The following TBPL2 variants were observed in gnomAD, a reference collection of about 807,000 sequenced individuals.
TBPL2 encodes the protein TATA-box binding protein like 2.
TBPL2 carries 40 observed loss-of-function variants against 38.2 expected under a neutral mutation model. The ratio of observed to expected loss-of-function variants is 1.05; its 90% CI spans 0.81 to 1.36. TBPL2 has a LOEUF of 1.36. TBPL2 is among the 40% of genes most tolerant of loss of function. The probability of loss-of-function intolerance (pLI) is 0.00; values close to 1 mark genes in which losing one functional copy is unlikely to be tolerated. For synonymous variants in TBPL2, 169 were observed against 171.7 expected (o/e 0.98, Z 0.12); for missense variants, 461 against 456.7 (o/e 1.01, Z -0.09).
At chr14:55,429,071 C>G (rs193125457) in intron 4 of TBPL2, 97 bp from the exon 5 acceptor site, 188 of 1,435,390 alleles carry the variant, frequency 1.3e-4, no homozygotes, top group Non-Finnish European at 1.6e-4. Flanking sequence ...CCACGTTTAT[C>G]TTTCAATGTA....
At chr14:55,440,616 T>A (rs1330781326) in exon 1 of TBPL2, 1 of 1,471,140 alleles carries the variant, frequency 6.8e-7, no homozygotes, top group Admixed American at 2.4e-5. Flanking sequence ...GAGAGAAGCG[T>A]TGGGCGATGG....
exon 7 of TBPL2, chr14:55,414,377 G>C: frequency 6.3e-7 from 1 of 1,596,738 alleles, no homozygotes; most frequent in Non-Finnish European, 8.5e-7. Flanking sequence ...TGAATGATAT[G>C]CTCAGGCTTT....
At chr14:55,429,607 T>A (rs1350487908) in intron 4 of TBPL2, among the ~76,000 whole-genome samples, 3 of 151,112 alleles carry the variant, frequency 2.0e-5, no homozygotes, top group East Asian at 3.9e-4. Flanking sequence ...CTACTAAAAA[T>A]ACAAAAAAAT....
chr14:55,433,311 T>A (rs912974231), intron 4 of TBPL2, among the ~76,000 whole-genome samples: 1 of 29,834 alleles, frequency 3.4e-5, no homozygotes, highest in Admixed American at 4.6e-4. Context: ...AGATTTCTCT[T>A]TTTTTTTTTT....
At chr14:55,420,271 A>G (rs1333920612) in intron 6 of TBPL2, among the ~76,000 whole-genome samples, 1 of 152,182 alleles carries the variant, frequency 6.6e-6, no homozygotes, top group Non-Finnish European at 1.5e-5. Context: ...GGGTCTTGCC[A>G]TGTTGGCCAG....
At chr14:55,417,979 G>A (rs1885691808) in intron 6 of TBPL2, among the ~76,000 whole-genome samples, 1 of 152,134 alleles carries the variant, frequency 6.6e-6, no homozygotes, top group African/African-American at 2.4e-5. Flanking sequence ...TGTAAAATAA[G>A]GACAATAAAC....
chr14:55,418,321 A>C (rs970998964), intron 6 of TBPL2, among the ~76,000 whole-genome samples: 2 of 152,194 alleles, frequency 1.3e-5, no homozygotes, highest in African/African-American at 4.8e-5. Context: ...TAAGGTTTAT[A>C]AGTTCATCCC....
At chr14:55,438,644 G>A (rs1886054496) in intron 1 of TBPL2, among the ~76,000 whole-genome samples, 1 of 152,214 alleles carries the variant, frequency 6.6e-6, no homozygotes, top group Non-Finnish European at 1.5e-5. Context: ...GCGAGGATTT[G>A]AAGGAGGATG....
chr14:55,420,922 A>G (rs943652350), intron 6 of TBPL2, among the ~76,000 whole-genome samples: 4 of 151,958 alleles, frequency 2.6e-5, no homozygotes, highest in Non-Finnish European at 5.9e-5. Flanking sequence ...TTAGCTGGGC[A>G]TAGTGGCAGG....
At chr14:55,436,598 G>A (rs781698635) in exon 2 of TBPL2, 2 of 1,614,146 alleles carry the variant, frequency 1.2e-6, no homozygotes, top group African/African-American at 1.3e-5. Flanking sequence ...TCTGAAATAG[G>A]GGTCATTGGT....
At chr14:55,420,541 T>C (rs1401143860) in intron 6 of TBPL2, among the ~76,000 whole-genome samples, 1 of 152,216 alleles carries the variant, frequency 6.6e-6, no homozygotes, top group Non-Finnish European at 1.5e-5. Flanking sequence ...CAGTAGTAAG[T>C]CATGGATTAA....
At chr14:55,422,812 C>T (rs74772591) in intron 6 of TBPL2, among the ~76,000 whole-genome samples, 11,211 of 152,024 alleles carry the variant, frequency 0.074, 426 homozygotes, top group Non-Finnish European at 0.085. Context: ...GAGATCGCGC[C>T]GCCATAGTCC....
At position 55,440,383 on chromosome 14, in the gene TBPL2, G is replaced by A; in HGVS notation, c.150+13C>T. The A allele has an allele frequency of 1.2e-6, 2 of 1,613,012 alleles. No homozygotes were observed. Among genetic ancestry groups the A allele is most frequent in the African/African-American group, 1.3e-5 (1 of 75,062 alleles). ...CTTGGGTCCTGACTCTGGGACAGTG[G>A]CGGCAGCCTCACCTGAGCGGCGCAC... On this transcript the variant is annotated intron_variant, in intron 1 of 6. Transcript: ENST00000247219.
chr14:55,419,864 G>T (rs1222482731), intron 6 of TBPL2, among the ~76,000 whole-genome samples: 1 of 152,108 alleles, frequency 6.6e-6, no homozygotes, highest in Non-Finnish European at 1.5e-5. Context: ...ATTTGTAATT[G>T]CAACACTTTA....
chr14:55,415,031 A>T (rs1002383995), intron 6 of TBPL2, among the ~76,000 whole-genome samples: 5 of 152,228 alleles, frequency 3.3e-5, no homozygotes, highest in African/African-American at 1.2e-4. Flanking sequence ...TAGGAATTAC[A>T]GGGATAAAAA....
At chr14:55,436,740 C>A (rs1414106071) in exon 2 of TBPL2, 1 of 1,614,156 alleles carries the variant, frequency 6.2e-7, no homozygotes, top group Admixed American at 1.7e-5. Context: ...TTAAGCCCAG[C>A]CCAACGTCCT....
At chr14:55,437,621 C>T (rs1433317614) in intron 1 of TBPL2, among the ~76,000 whole-genome samples, 1 of 152,194 alleles carries the variant, frequency 6.6e-6, no homozygotes, top group Non-Finnish European at 1.5e-5. Context: ...TCCAATTTTG[C>T]AATAGAGGCA....
chr14:55,440,333 G>C, intron 1 of TBPL2, 63 bp downstream of exon 1: 2 of 1,591,234 alleles, frequency 1.3e-6, no homozygotes. Context: ...CGAAGGCAAA[G>C]CCCTTGGCAC....
chr14:55,426,713 TAA>T (rs112962777), intron 5 of TBPL2, among the ~76,000 whole-genome samples: 13 of 145,734 alleles, frequency 8.9e-5, no homozygotes, highest in South Asian at 2.1e-4. Context: ...CTGGCCAGAT[TAA>T]AAAAAAAAAA....
Sources: gnomAD v4.1 joint callset for allele counts (sites outside exome capture counted in the v4.1 genomes callset) on GRCh38, gnomAD v4.1.1 for gene constraint, MANE v1.5 for transcripts, NCBI Gene and HGNC (gene_info 2026-07-23, HGNC 2026-07-21) for gene names.